HS6ST3: variants seen among roughly 807,000 people sequenced by gnomAD.
HS6ST3 encodes heparan sulfate 6-O-sulfotransferase 3.
Under a neutral mutation model 36.7 loss-of-function variants are expected in HS6ST3, and 12 were observed. The observed-to-expected ratio is 0.33, with a 90% CI of 0.21 to 0.53. HS6ST3 has a LOEUF of 0.53. HS6ST3 is among the 20% of genes least tolerant of loss of function. HS6ST3 has a pLI of 0.95. For missense variants in HS6ST3, 584 were observed against 640.9 expected, an observed-to-expected ratio of 0.91 and a Z score of 0.96; for synonymous variants, 240 against 257.5, an observed-to-expected ratio of 0.93 and a Z score of 0.65.
intron 1 of HS6ST3, among the ~76,000 whole-genome samples, chr13:96,298,820 T>C (rs2054867756): frequency 6.6e-6 from 1 of 152,172 alleles, no homozygotes; most frequent in Non-Finnish European, 1.5e-5. Flanking sequence ...TTCTTTGTCA[T>C]GCAGCTTTAC....
At chr13:96,097,810 C>G (rs1021332545) in intron 1 of HS6ST3, among the ~76,000 whole-genome samples, 6 of 152,186 alleles carry the variant, frequency 3.9e-5, no homozygotes, top group Non-Finnish European at 7.3e-5. Flanking sequence ...CTCAGTAAGA[C>G]ACATATAAAG....
intron 1 of HS6ST3, among the ~76,000 whole-genome samples, chr13:96,168,014 T>G (rs1439869598): frequency 1.3e-5 from 2 of 152,244 alleles, no homozygotes; most frequent in African/African-American, 2.4e-5. Flanking sequence ...AAAGAATAAC[T>G]GACAAAATTG....
intron 1 of HS6ST3, among the ~76,000 whole-genome samples, chr13:96,443,323 G>A (rs1011313696): frequency 1.3e-5 from 2 of 151,986 alleles, no homozygotes; most frequent in African/African-American, 4.8e-5. Context: ...AAGGTCAGGA[G>A]ATTGAGACCA....
chr13:96,171,612 C>G (rs1159352321), intron 1 of HS6ST3, among the ~76,000 whole-genome samples: 1 of 152,204 alleles, frequency 6.6e-6, no homozygotes, highest in Non-Finnish European at 1.5e-5. Flanking sequence ...TGGTTTTTCT[C>G]TAACTCCTGT....
At chr13:96,755,765 A>G (rs1876812518) in intron 1 of HS6ST3, among the ~76,000 whole-genome samples, 1 of 152,122 alleles carries the variant, frequency 6.6e-6, no homozygotes, top group African/African-American at 2.4e-5. Flanking sequence ...GGTTTTTACC[A>G]TTTCTTTGCT....
intron 1 of HS6ST3, among the ~76,000 whole-genome samples, chr13:96,755,253 T>C (rs1420594801): frequency 6.6e-6 from 1 of 152,232 alleles, no homozygotes; most frequent in Non-Finnish European, 1.5e-5. Context: ...TCAAATTAGA[T>C]TGTCTACACA....
chr13:96,562,705 A>C (rs1169863131), intron 1 of HS6ST3, among the ~76,000 whole-genome samples: 3 of 152,114 alleles, frequency 2.0e-5, no homozygotes, highest in Non-Finnish European at 4.4e-5. Flanking sequence ...CATTTCTAGC[A>C]ACTGAGTTCC....
chr13:96,532,318 C>T (rs533554712), intron 1 of HS6ST3, among the ~76,000 whole-genome samples: 22 of 152,266 alleles, frequency 1.4e-4, no homozygotes, highest in African/African-American at 4.8e-4. Flanking sequence ...ATTATTTTCC[C>T]GATGAGAAAT....
intron 1 of HS6ST3, among the ~76,000 whole-genome samples, chr13:96,651,313 C>T (rs971747797): frequency 6.6e-6 from 1 of 152,032 alleles, no homozygotes; most frequent in Non-Finnish European, 1.5e-5. Context: ...TTGCCCACTT[C>T]TGACTACAGA....
At chr13:96,389,670 G>A (rs1351511835) in intron 1 of HS6ST3, among the ~76,000 whole-genome samples, 4 of 152,024 alleles carry the variant, frequency 2.6e-5, no homozygotes, top group Non-Finnish European at 5.9e-5. Context: ...TAATATATAA[G>A]CTCTTAGAAC....
Position 96,839,156 on chromosome 13 carries a change from CAT to C in HS6ST3, c.*5959_*5960del, listed in dbSNP as rs1421970052. On this transcript the variant is annotated 3_prime_UTR_variant, in exon 2 of 2. Coordinates refer to ENST00000376705, the MANE Select transcript of HS6ST3 (RefSeq NM_153456.4). ...GTTTTGTGTACTTCAGTAATTGTCA[CAT>C]GTGTCTTCCACCTCCTTGACATTTA... 12 of 152,334 alleles carry C rather than the reference CAT, an allele frequency of 7.9e-5. No homozygotes were observed. The highest frequency in any genetic ancestry group is 6.5e-4 in the Admixed American group (10 of 15,304). 9.4% of individuals were successfully genotyped at this position (152,334 alleles called of 1,614,324 possible). A position where few individuals can be genotyped will look rare whatever the true frequency, so the allele number is the denominator to read the frequency against.
rs140853715 is a variant in HS6ST3, at chr13:96,260,564, C to T, written c.707+168995C>T. The stretch of plus-strand genomic sequence containing the variant: ...TCCTGACCTCGTGATCCACCCACCT[C>T]GGCCTCCCAAACCAAAGTGCTGGGA... On this transcript the variant is annotated intron_variant, in intron 1 of 1. Transcript: ENST00000376705. Among the ~76,000 whole-genome samples, 439 of 152,216 alleles carry T rather than the reference C, an allele frequency of 2.9e-3. 5 individuals carry two copies. Among genetic ancestry groups the T allele is most frequent in the African/African-American group, 9.7e-3 (405 of 41,542 alleles).
Position 96,330,971 on chromosome 13 carries a change from G to A in HS6ST3, c.707+239402G>A, listed in dbSNP as rs1306237554. ...CTGATACCCTTTCTTCCAGTTGATCGCATCGGCTCCTGAGGCTTCTGCATT... is the reference window on the plus strand; with the variant it reads ...CTGATACCCTTTCTTCCAGTTGATCACATCGGCTCCTGAGGCTTCTGCATT... On this transcript the variant is annotated intron_variant, in intron 1 of 1. Coordinates refer to ENST00000376705, the MANE Select transcript of HS6ST3 (RefSeq NM_153456.4). Among the ~76,000 whole-genome samples, 419 of 151,694 alleles carry A rather than the reference G, an allele frequency of 2.8e-3. 4 individuals are homozygous for A. Among genetic ancestry groups the A allele is most frequent in the African/African-American group, 9.7e-3 (400 of 41,320 alleles).
intron 1 of HS6ST3, among the ~76,000 whole-genome samples, chr13:96,417,792 ATGTTC>A (rs1262500041): frequency 1.3e-5 from 2 of 150,934 alleles, no homozygotes; most frequent in South Asian, 4.2e-4. Context: ...CACGGTAACG[ATGTTC>A]TATAAAGTTG....
intron 1 of HS6ST3, among the ~76,000 whole-genome samples, chr13:96,383,903 A>G (rs146254207): frequency 6.6e-6 from 1 of 152,290 alleles, no homozygotes; most frequent in Non-Finnish European, 1.5e-5. Context: ...ACAACCTAAG[A>G]AAGCTTCAGC....
rs541783705 is a variant in HS6ST3, at chr13:96,711,321, A to G, written c.708-121169A>G. On this transcript the variant is annotated intron_variant, in intron 1 of 1. Coordinates refer to ENST00000376705, the MANE Select transcript of HS6ST3 (RefSeq NM_153456.4). ...AGTCATAGAACTATTTGGAGAAAAT[A>G]AAGGAACTGAACTAAGTGCTCTAAT... 3.3e-5 allele frequency among the ~76,000 whole-genome samples: 5 copies of G among 152,346 alleles called. No homozygotes were observed. In the South Asian group the frequency reaches 1.0e-3, roughly 32 times the overall value.
intron 1 of HS6ST3, among the ~76,000 whole-genome samples, chr13:96,500,511 G>T (rs2055999032): frequency 6.6e-6 from 1 of 152,124 alleles, no homozygotes; most frequent in African/African-American, 2.4e-5. Flanking sequence ...GGGAGCCAAA[G>T]GTATACGTGG....
intron 1 of HS6ST3, among the ~76,000 whole-genome samples, chr13:96,467,638 A>G (rs987910944): frequency 6.6e-6 from 1 of 152,162 alleles, no homozygotes; most frequent in Admixed American, 6.5e-5. Context: ...ATAATTAATA[A>G]TAAGTGATGA....
chr13:96,607,575 A>G (rs955854403), intron 1 of HS6ST3, among the ~76,000 whole-genome samples: 1 of 152,222 alleles, frequency 6.6e-6, no homozygotes, highest in Admixed American at 6.5e-5. Flanking sequence ...TGTGATGGCC[A>G]TATGAACTGA....
Sources: gnomAD v4.1 joint callset for allele counts (sites outside exome capture counted in the v4.1 genomes callset) on GRCh38, gnomAD v4.1.1 for gene constraint, MANE v1.5 for transcripts, NCBI Gene and HGNC (gene_info 2026-07-23, HGNC 2026-07-21) for gene names.